Variants in DTWD2 observed in about 807,000 individuals in gnomAD.
DTWD2 encodes DTW motif tRNA-uridine aminocarboxypropyltransferase 2.
A neutral mutation model predicts 31.8 loss-of-function variants in DTWD2; 39 were observed. The observed-to-expected ratio is 1.22, with a 90% confidence interval of 0.95 to 1.60. DTWD2 has a LOEUF of 1.60. Ranked by LOEUF, DTWD2 falls within the 40% of genes most tolerant of loss-of-function variation. The probability of loss-of-function intolerance (pLI) is 0.00; values close to 1 mark genes in which losing one functional copy is unlikely to be tolerated. For missense variants in DTWD2, 515 were observed against 381.5 expected (o/e 1.35, Z -2.92); for synonymous variants, 180 against 142.8 (o/e 1.26, Z -1.86).
intron 3 of DTWD2, among the ~76,000 whole-genome samples, chr5:118,930,744 G>A (rs1452853255): frequency 2.6e-5 from 4 of 152,068 alleles, no homozygotes; most frequent in Non-Finnish European, 4.4e-5. Flanking sequence ...AGTCACAAAA[G>A]TCCAAATATA....
chr5:118,871,977 G>A (rs948296800), intron 4 of DTWD2, among the ~76,000 whole-genome samples: 1 of 152,140 alleles, frequency 6.6e-6, no homozygotes, highest in African/African-American at 2.4e-5. Context: ...AGATATTCTG[G>A]ATAGCTTGAT....
At chr5:118,920,542 C>T (rs1342140001) in intron 4 of DTWD2, among the ~76,000 whole-genome samples, 1 of 152,182 alleles carries the variant, frequency 6.6e-6, no homozygotes, top group Non-Finnish European at 1.5e-5. Flanking sequence ...TAAGAAAATG[C>T]ACATCTTCCT....
intron 1 of DTWD2, among the ~76,000 whole-genome samples, chr5:118,960,749 A>T (rs1282518806): frequency 8.6e-6 from 1 of 116,766 alleles, no homozygotes; most frequent in Non-Finnish European, 1.9e-5. Flanking sequence ...ATGCAGCCAT[A>T]AAAAAAAACA....
chr5:118,886,208 G>A (rs548138302), intron 4 of DTWD2, among the ~76,000 whole-genome samples: 185 of 152,238 alleles, frequency 1.2e-3, no homozygotes, highest in African/African-American at 4.0e-3. Context: ...GTCTCTGTAC[G>A]TAACAGGCAC....
chr5:118,860,986 C>G (rs1183282004), intron 4 of DTWD2, among the ~76,000 whole-genome samples: 1 of 152,148 alleles, frequency 6.6e-6, no homozygotes, highest in African/African-American at 2.4e-5. Flanking sequence ...GCCTCCATTT[C>G]TCAATAGTTA....
chr5:118,893,397 A>G (rs908246602), intron 4 of DTWD2, among the ~76,000 whole-genome samples: 1 of 151,616 alleles, frequency 6.6e-6, no homozygotes, highest in Non-Finnish European at 1.5e-5. Flanking sequence ...ATGAGACTAT[A>G]AATGTATACG....
chr5:118,864,851 T>C (rs1752348272), intron 4 of DTWD2, among the ~76,000 whole-genome samples: 1 of 152,300 alleles, frequency 6.6e-6, no homozygotes, highest in South Asian at 2.1e-4. Context: ...CCATGTATCA[T>C]AATGCTCACT....
At chr5:118,927,237 G>C (rs1753828514) in intron 4 of DTWD2, among the ~76,000 whole-genome samples, 1 of 151,130 alleles carries the variant, frequency 6.6e-6, no homozygotes, top group Non-Finnish European at 1.5e-5. Flanking sequence ...TTGGAAGTTA[G>C]GGCTCCAATA....
intron 4 of DTWD2, among the ~76,000 whole-genome samples, chr5:118,862,255 G>A (rs1752278747): frequency 6.6e-6 from 1 of 152,168 alleles, no homozygotes; most frequent in Non-Finnish European, 1.5e-5. Flanking sequence ...TGTCTTCCAG[G>A]AAACCAGTCC....
At chr5:118,842,417 A>G (rs762218621) in intron 5 of DTWD2, among the ~76,000 whole-genome samples, 7 of 152,144 alleles carry the variant, frequency 4.6e-5, no homozygotes, top group Non-Finnish European at 7.4e-5. Flanking sequence ...ATAACTGTTG[A>G]AGGTAGGACA....
intron 4 of DTWD2, among the ~76,000 whole-genome samples, chr5:118,916,387 C>T (rs1353099984): frequency 6.6e-6 from 1 of 152,012 alleles, no homozygotes; most frequent in African/African-American, 2.4e-5. Context: ...ACATTAAGGC[C>T]GGGTGCAGTG....
At chr5:118,973,623 CAGCCTCCTTGCTCGCG>C (rs1357697545) in intron 1 of DTWD2, among the ~76,000 whole-genome samples, 2 of 23,598 alleles carry the variant, frequency 8.5e-5, no homozygotes, top group African/African-American at 1.9e-4. Flanking sequence ...TTGCTCGCGG[CAGCCTCCTTGCTCGCG>C]GCAGCCTCCT....
chr5:118,979,851 G>A (rs1043660806), intron 1 of DTWD2, among the ~76,000 whole-genome samples: 2 of 152,226 alleles, frequency 1.3e-5, no homozygotes, highest in Non-Finnish European at 2.9e-5. Context: ...CCTGTCAGGA[G>A]GGCAGGGGGT....
At chr5:118,900,952 C>A (rs1341018381) in intron 4 of DTWD2, among the ~76,000 whole-genome samples, 1 of 150,756 alleles carries the variant, frequency 6.6e-6, no homozygotes, top group East Asian at 1.9e-4. Flanking sequence ...AAAAATGACT[C>A]AAAATCATAT....
At chr5:118,883,725 G>C (rs1040147477) in intron 4 of DTWD2, among the ~76,000 whole-genome samples, 1 of 152,074 alleles carries the variant, frequency 6.6e-6, no homozygotes, top group African/African-American at 2.4e-5. Context: ...CACAAAAACA[G>C]CACCCCCATG....
rs527510035 is a variant in DTWD2 at position 118,857,614 on chromosome 5, T to C, written c.598-9396A>G. Reference sequence around the variant, plus strand: ...ACTGTCTTTTGATGACTAGAAGTTATTGATTTTAATGAAACATAATTTATA... The same window carrying C: ...ACTGTCTTTTGATGACTAGAAGTTACTGATTTTAATGAAACATAATTTATA... On this transcript the variant is annotated intron_variant, in intron 4 of 5. Coordinates refer to ENST00000510708, the MANE Select transcript of DTWD2 (RefSeq NM_173666.4). Among the ~76,000 whole-genome samples the C allele has an allele frequency of 7.2e-5, 11 of 152,332 alleles. No homozygotes were observed. The East Asian group carries it at 7.7e-4, about 11-fold the overall frequency.
At chr5:118,900,794 A>G (rs763577748) in intron 4 of DTWD2, among the ~76,000 whole-genome samples, 2 of 152,018 alleles carry the variant, frequency 1.3e-5, no homozygotes, top group East Asian at 3.9e-4. Flanking sequence ...GCGTGGTGGC[A>G]GATGTCTGTA....
intron 4 of DTWD2, among the ~76,000 whole-genome samples, chr5:118,868,461 A>AAG (rs1752429587): frequency 6.6e-6 from 1 of 152,176 alleles, no homozygotes; most frequent in Admixed American, 6.5e-5. Flanking sequence ...ACAATCAAGA[A>AAG]AGTGAAAAGG....
At chr5:118,924,813 T>C (rs937143174) in intron 4 of DTWD2, among the ~76,000 whole-genome samples, 1 of 152,204 alleles carries the variant, frequency 6.6e-6, no homozygotes, top group African/African-American at 2.4e-5. Flanking sequence ...ATTGCGGCTA[T>C]GCTATGAAAT....
Sources: gnomAD v4.1 joint callset for allele counts (sites outside exome capture counted in the v4.1 genomes callset) on GRCh38, gnomAD v4.1.1 for gene constraint, MANE v1.5 for transcripts, NCBI Gene and HGNC (gene_info 2026-07-23, HGNC 2026-07-21) for gene names.